The following TENM1 variants were observed in gnomAD, a reference collection of about 807,000 sequenced individuals.
The protein encoded by TENM1 is teneurin-1.
Under a neutral mutation model 174.8 loss-of-function variants are expected in TENM1, and 35 were observed. The observed-to-expected ratio is 0.20, with a 90% CI of 0.15 to 0.27. The LOEUF is 0.27. TENM1 is among the 10% of genes least tolerant of loss of function. The probability of loss-of-function intolerance (pLI) is 1.00; values close to 1 mark genes in which losing one functional copy is unlikely to be tolerated. For synonymous variants in TENM1, 781 were observed against 798.7 expected (o/e 0.98, Z 0.37); for missense variants, 1,633 against 2,130.1 (o/e 0.77, Z 4.59).
At chrX:124,627,058 TGTTC>T (rs1206630596) in intron 11 of TENM1, among the ~76,000 whole-genome samples, 9 of 111,878 alleles carry the variant, frequency 8.0e-5, no homozygotes, top group African/African-American at 2.9e-4. Context: ...TTGGTATAGC[TGTTC>T]CAGAGCTATG....
chrX:124,787,581 C>T (rs2055070821), intron 3 of TENM1, among the ~76,000 whole-genome samples: 1 of 111,555 alleles, frequency 9.0e-6, no homozygotes, highest in African/African-American at 3.3e-5. Context: ...ATCTCTTGTC[C>T]CTAGAGAGCA....
intron 25 of TENM1, among the ~76,000 whole-genome samples, chrX:124,410,316 T>C (rs1157292016): frequency 8.9e-6 from 1 of 112,090 alleles, no homozygotes; most frequent in Non-Finnish European, 1.9e-5. Flanking sequence ...TGGCCAGCCA[T>C]ATGTAGAAAG....
chrX:124,428,359 G>A (rs1466314728), intron 23 of TENM1, among the ~76,000 whole-genome samples: 1 of 112,238 alleles, frequency 8.9e-6, no homozygotes, highest in Non-Finnish European at 1.9e-5. Flanking sequence ...TAAAGCAGCA[G>A]AATCCTATAG....
chrX:124,878,655 A>G (rs1317825781), intron 3 of TENM1, among the ~76,000 whole-genome samples: 1 of 111,457 alleles, frequency 9.0e-6, no homozygotes, highest in East Asian at 2.8e-4. Flanking sequence ...TGCAGATGCC[A>G]TGCATGTACA....
the TENM1 span, among the ~76,000 whole-genome samples, chrX:125,023,605 G>A: frequency 9.3e-6 from 1 of 107,841 alleles, no homozygotes; most frequent in African/African-American, 3.5e-5. Context: ...CATGAATAAG[G>A]ACAGAAGAAT....
At chrX:124,667,468 T>C (rs1424854769) in intron 6 of TENM1, among the ~76,000 whole-genome samples, 1 of 109,077 alleles carries the variant, frequency 9.2e-6, no homozygotes, top group East Asian at 2.9e-4. Context: ...TGGGCACCTG[T>C]AGTCCCAGCT....
intron 3 of TENM1, among the ~76,000 whole-genome samples, chrX:124,800,957 C>T (rs1432722463): frequency 8.9e-6 from 1 of 111,853 alleles, no homozygotes; most frequent in African/African-American, 3.3e-5. Flanking sequence ...GTGCTGTTGT[C>T]TGAGAGACTG....
chrX:124,730,664 C>T (rs1162138095), intron 4 of TENM1, among the ~76,000 whole-genome samples: 1 of 111,766 alleles, frequency 8.9e-6, no homozygotes. Flanking sequence ...CTAGTTGTAT[C>T]GATTTGCAAA....
chrX:124,405,368 C>A, intron 26 of TENM1, 102 bp from the exon 30 acceptor site: 1 of 639,202 alleles, frequency 1.6e-6, no homozygotes, highest in South Asian at 2.7e-5. Context: ...GGGGGATAAG[C>A]AGGTGGGGTG....
At chrX:124,493,641 A>G (rs1198293471) in intron 20 of TENM1, among the ~76,000 whole-genome samples, 1 of 111,160 alleles carries the variant, frequency 9.0e-6, no homozygotes, top group Non-Finnish European at 1.9e-5. Flanking sequence ...TAGGGTTTTG[A>G]AAACAATGTG....
At chrX:125,070,665 C>T in the TENM1 span, among the ~76,000 whole-genome samples, 2 of 111,388 alleles carry the variant, frequency 1.8e-5, no homozygotes, top group Admixed American at 1.9e-4. Flanking sequence ...TGCCTTGGTT[C>T]CCACCTCTGT....
chrX:124,562,410 T>C (rs1054793620), intron 13 of TENM1, among the ~76,000 whole-genome samples: 5 of 112,412 alleles, frequency 4.4e-5, no homozygotes, highest in African/African-American at 6.5e-5. Flanking sequence ...GGGCTAACGA[T>C]TGAAATCTTT....
intron 11 of TENM1, among the ~76,000 whole-genome samples, chrX:124,581,320 C>T (rs999184296): frequency 1.8e-5 from 2 of 111,160 alleles, no homozygotes; most frequent in African/African-American, 6.5e-5. Context: ...CCACCCCAAC[C>T]TCCCAAAGTG....
the TENM1 span, among the ~76,000 whole-genome samples, chrX:125,123,497 T>C: frequency 1.8e-5 from 2 of 110,923 alleles, no homozygotes; most frequent in Non-Finnish European, 3.8e-5. Flanking sequence ...TGGTCCCACC[T>C]ACTTGGGAGG....
chrX:124,978,357 T>C, the TENM1 span, among the ~76,000 whole-genome samples: 1 of 112,010 alleles, frequency 8.9e-6, no homozygotes, highest in Non-Finnish European at 1.9e-5. Flanking sequence ...ACAGTTTATA[T>C]TGACTTTTTT....
Position 124,725,745 on chromosome X carries a change from A to G in TENM1, c.776+11212T>C, listed in dbSNP as rs141444373. Among the ~76,000 whole-genome samples the G allele has an allele frequency of 2.7e-3, 300 of 112,622 alleles. 1 individual carries two copies. The highest frequency in any genetic ancestry group is 8.9e-3 in the African/African-American group (275 of 31,060). On this transcript the variant is annotated intron_variant, in intron 4 of 31. Transcript: ENST00000422452. The stretch of plus-strand genomic sequence containing the variant: ...AGTAGCACATCTTTTTGATACACAC[A>G]TACACACACACACGTGCAGATACAC...
intron 3 of TENM1, among the ~76,000 whole-genome samples, chrX:124,824,528 C>T (rs928891322): frequency 3.6e-5 from 4 of 111,964 alleles, no homozygotes; most frequent in South Asian, 3.7e-4. Flanking sequence ...AGGCAGTCTG[C>T]GATGAAAAGT....
the TENM1 span, among the ~76,000 whole-genome samples, chrX:124,973,996 G>A: frequency 8.9e-6 from 1 of 111,775 alleles, no homozygotes; most frequent in Admixed American, 9.5e-5. Context: ...ACCTGATGTA[G>A]ATGATGAGTT....
chrX:124,804,320 T>C (rs890995651), intron 3 of TENM1, among the ~76,000 whole-genome samples: 3 of 112,387 alleles, frequency 2.7e-5, no homozygotes, highest in Non-Finnish European at 5.6e-5. Flanking sequence ...TTGGTGATTA[T>C]TCACAATCAT....
Sources: allele counts gnomAD v4.1 joint callset (sites outside exome capture counted in the v4.1 genomes callset), GRCh38; gene constraint gnomAD v4.1.1; transcripts MANE v1.5; gene names NCBI Gene and HGNC (gene_info 2026-07-23, HGNC 2026-07-21).